Variants in DGKI observed in about 807,000 individuals in gnomAD.
DGKI encodes DAG kinase iota.
In DGKI, 55 loss-of-function variants were observed where a neutral mutation model predicts 147.5. That is an observed-to-expected ratio of 0.37 (90% CI 0.30 to 0.47). The LOEUF (loss-of-function observed/expected upper bound fraction) is 0.47, where lower values mean the gene tolerates loss of function less well. Among genes scored for constraint, DGKI ranks in the 20% least tolerant of loss-of-function variants. The pLI is 1.00. For missense variants in DGKI, 1,007 were observed against 1,323.8 expected (o/e 0.76, Z 3.71); for synonymous variants, 469 against 477.1 (o/e 0.98, Z 0.22).
At chr7:137,667,791 G>C (rs1822693067) in intron 3 of DGKI, among the ~76,000 whole-genome samples, 1 of 152,146 alleles carries the variant, frequency 6.6e-6, no homozygotes, top group Non-Finnish European at 1.5e-5. Flanking sequence ...AAGACCCACA[G>C]ACATCTCAGT....
intron 21 of DGKI, among the ~76,000 whole-genome samples, chr7:137,502,596 C>A (rs577353295): frequency 6.6e-6 from 1 of 152,004 alleles, no homozygotes; most frequent in African/African-American, 2.4e-5. Context: ...AAATAACCTA[C>A]GTTCACATAA....
chr7:137,628,630 G>C (rs1018908488), intron 6 of DGKI, among the ~76,000 whole-genome samples: 3 of 152,162 alleles, frequency 2.0e-5, no homozygotes, highest in Non-Finnish European at 4.4e-5. Flanking sequence ...GAGCTGTTTA[G>C]TTCAGTACCG....
chr7:137,597,890 T>G lies in DGKI; in HGVS notation c.1268A>C (p.Lys423Thr), dbSNP rs1416190481. The G allele has an allele frequency of 1.9e-6, 3 of 1,613,680 alleles. No individual in the cohort carries two copies. The highest frequency in any genetic ancestry group is 1.7e-6 in the Non-Finnish European group (2 of 1,179,880). ...GPKDALELYRKVPNLRILACG... is the reference protein window; with the variant it reads ...GPKDALELYRTVPNLRILACG... Reference sequence around the variant, plus strand: ...GGCCAGAATTCGCAGATTTGGTACTTTCCTATACAATTCAAGCCTGTAGAG... The same window carrying G: ...GGCCAGAATTCGCAGATTTGGTACTGTCCTATACAATTCAAGCCTGTAGAG... The change falls in exon 12 of 33, where the codon AAA becomes ACA. Residue 423 changes from lysine to threonine, a missense_variant. By Grantham distance (78) the Lys-to-Thr change is moderately conservative. Coordinates refer to ENST00000614521, the MANE Select transcript of DGKI (RefSeq NM_001321708.2).
At chr7:137,409,389 C>T (rs553594860) in intron 29 of DGKI, among the ~76,000 whole-genome samples, 16 of 152,146 alleles carry the variant, frequency 1.1e-4, no homozygotes, top group South Asian at 2.1e-4. Context: ...ATGGTGGAGA[C>T]GGATAGGTAA....
chr7:137,427,979 G>A (rs1391373023), intron 28 of DGKI, among the ~76,000 whole-genome samples: 2 of 150,592 alleles, frequency 1.3e-5, no homozygotes, highest in Non-Finnish European at 1.5e-5. Flanking sequence ...GGTACAAGGA[G>A]GAACTGGTAC....
chr7:137,545,332 A>G (rs1229592402), intron 20 of DGKI, among the ~76,000 whole-genome samples: 1 of 152,228 alleles, frequency 6.6e-6, no homozygotes, highest in Non-Finnish European at 1.5e-5. Flanking sequence ...ATGCTAAAAA[A>G]CATATTTTTT....
At chr7:137,631,756 G>GT (rs1821128889) in intron 6 of DGKI, among the ~76,000 whole-genome samples, 2 of 152,240 alleles carry the variant, frequency 1.3e-5, no homozygotes, top group South Asian at 4.2e-4. Flanking sequence ...ACCATGTTAA[G>GT]TAAAGTAAAA....
intron 1 of DGKI, among the ~76,000 whole-genome samples, chr7:137,772,645 CA>C (rs556325713): frequency 1.6e-3 from 247 of 149,864 alleles, no homozygotes; most frequent in Non-Finnish European, 2.9e-3. Context: ...ATTGCTAATT[CA>C]AAAAAAAAGA....
At chr7:137,796,011 A>G (rs1040524559) in intron 1 of DGKI, among the ~76,000 whole-genome samples, 7 of 152,228 alleles carry the variant, frequency 4.6e-5, no homozygotes, top group Admixed American at 1.3e-4. Context: ...TAATGGCAAC[A>G]AAAACAAAAA....
chr7:137,472,423 A>AAT (rs1447560236), intron 23 of DGKI, among the ~76,000 whole-genome samples: 237 of 12,384 alleles, frequency 0.019, no homozygotes, highest in Middle Eastern at 0.056. Flanking sequence ...ATACATATAC[A>AAT]TATTATATGT....
intron 21 of DGKI, among the ~76,000 whole-genome samples, chr7:137,490,789 T>G (rs1815735952): frequency 6.6e-6 from 1 of 152,168 alleles, no homozygotes; most frequent in Non-Finnish European, 1.5e-5. Flanking sequence ...GCTCAACAAT[T>G]CATCTTATTT....
At chr7:137,503,130 G>A (rs1355998292) in intron 21 of DGKI, among the ~76,000 whole-genome samples, 1 of 152,132 alleles carries the variant, frequency 6.6e-6, no homozygotes, top group Admixed American at 6.6e-5. Context: ...AGATTCAGGT[G>A]AACTTATAGA....
intron 29 of DGKI, among the ~76,000 whole-genome samples, chr7:137,408,472 A>G (rs1209533285): frequency 6.6e-6 from 1 of 152,174 alleles, no homozygotes; most frequent in African/African-American, 2.4e-5. Flanking sequence ...ACCAAATATC[A>G]AAGCTGCTTC....
chr7:137,540,651 A>T (rs1345681296), intron 20 of DGKI, among the ~76,000 whole-genome samples: 1 of 150,986 alleles, frequency 6.6e-6, no homozygotes, highest in Non-Finnish European at 1.5e-5. Flanking sequence ...GCACCACTGC[A>T]CTCCAGCCTG....
At chr7:137,659,545 T>C (rs549619863) in intron 3 of DGKI, among the ~76,000 whole-genome samples, 3 of 152,368 alleles carry the variant, frequency 2.0e-5, no homozygotes, top group East Asian at 1.9e-4. Context: ...TTCTAAATAC[T>C]ACAAATATTC....
At chr7:137,401,392 G>A (rs916800651) in intron 30 of DGKI, among the ~76,000 whole-genome samples, 10 of 151,920 alleles carry the variant, frequency 6.6e-5, no homozygotes, top group East Asian at 5.8e-4. Context: ...TTAGCTGGGC[G>A]TGGTGGTACA....
intron 28 of DGKI, among the ~76,000 whole-genome samples, chr7:137,430,538 A>G: frequency 1.3e-5 from 2 of 152,092 alleles, no homozygotes; most frequent in Non-Finnish European, 2.9e-5. Context: ...CATGTACCCT[A>G]AAACTTAAAG....
chr7:137,603,636 G>A (rs1820073119), intron 10 of DGKI, among the ~76,000 whole-genome samples: 1 of 152,206 alleles, frequency 6.6e-6, no homozygotes. Context: ...TAAGGAGGAT[G>A]AGTGCCCAGA....
chr7:137,590,749 G>A (rs1819579795), intron 12 of DGKI, among the ~76,000 whole-genome samples: 1 of 152,158 alleles, frequency 6.6e-6, no homozygotes, highest in African/African-American at 2.4e-5. Flanking sequence ...CCAGTCTGGA[G>A]TGGTGCAATC....
Sources: gnomAD v4.1 joint callset for allele counts (sites outside exome capture counted in the v4.1 genomes callset) on GRCh38, gnomAD v4.1.1 for gene constraint, MANE v1.5 for transcripts, NCBI Gene and HGNC (gene_info 2026-07-23, HGNC 2026-07-21) for gene names.